Variants in RAPH1 observed in about 807,000 individuals in gnomAD.
The protein encoded by RAPH1 is Ras association (RalGDS/AF-6) and pleckstrin homology domains 1.
RAPH1 carries 18 observed loss-of-function variants against 88.1 expected under a neutral mutation model. That is an observed-to-expected ratio of 0.20 (90% CI 0.14 to 0.30). The LOEUF (loss-of-function observed/expected upper bound fraction) is 0.30. RAPH1 is among the 10% of genes least tolerant of loss of function. RAPH1 has a pLI of 1.00. For missense variants in RAPH1, 1,448 were observed against 1,543.2 expected, an observed-to-expected ratio of 0.94 and a Z score of 1.03; for synonymous variants, 587 against 559.0, an observed-to-expected ratio of 1.05 and a Z score of -0.71.
chr2:203,462,927 G>A (rs140865918), intron 4 of RAPH1, among the ~76,000 whole-genome samples: 7 of 152,072 alleles, frequency 4.6e-5, no homozygotes, highest in East Asian at 1.9e-4. Context: ...TTGGTTGGGC[G>A]TGTTGGCTCA....
intron 4 of RAPH1, among the ~76,000 whole-genome samples, chr2:203,476,628 C>A (rs994457937): frequency 1.3e-5 from 2 of 152,060 alleles, no homozygotes; most frequent in Non-Finnish European, 2.9e-5. Context: ...TCTGAAGCAT[C>A]CAGATTTGCC....
rs951902141 is a variant in RAPH1 at position 203,437,093 on chromosome 2, C to T, written c.*2344G>A. On this transcript the variant is annotated 3_prime_UTR_variant, in exon 14 of 14. Coordinates refer to ENST00000319170, the MANE Select transcript of RAPH1 (RefSeq NM_213589.3). The stretch of plus-strand genomic sequence containing the variant: ...GTGTTCAAAAGGATGTCTGCTATTC[C>T]AGGAAAACAGACCAGAAGCATCTGT... 6.6e-6 allele frequency: 1 copy of T among 152,072 alleles called. No individual in the cohort carries two copies. The highest frequency in any genetic ancestry group is 1.5e-5 in the Non-Finnish European group (1 of 68,030). 9.4% of individuals were successfully genotyped at this position (152,072 alleles called of 1,614,324 possible).
At chr2:203,501,825 A>G in intron 1 of RAPH1, among the ~76,000 whole-genome samples, 1 of 151,348 alleles carries the variant, frequency 6.6e-6, no homozygotes. Context: ...GAAAAAAAAA[A>G]AAAAAAAAGG....
rs1437555591 is a variant in RAPH1, at chr2:203,434,029, ATC to A, written c.*5406_*5407del. On this transcript the variant is annotated 3_prime_UTR_variant, in exon 14 of 14. Transcript: ENST00000319170. ...AAACATCCTCAGTAGTACTGAATAT[ATC>A]TCTCTCATATATCTATCTATCTATC... is the stretch of plus-strand genomic sequence containing the variant. 2.1e-5 allele frequency: 3 copies of A among 140,488 alleles called. No homozygotes were observed. Among genetic ancestry groups the A allele is most frequent in the South Asian group, 2.2e-4 (1 of 4,540 alleles). The allele number at this position is 140,488 out of a possible 1,614,324, so 8.7% of individuals were successfully genotyped here.
At chr2:203,496,554 C>A (rs909953574) in intron 1 of RAPH1, among the ~76,000 whole-genome samples, 4 of 152,036 alleles carry the variant, frequency 2.6e-5, no homozygotes, top group Non-Finnish European at 4.4e-5. Context: ...CCAGCATATT[C>A]CAAAATTAAA....
intron 4 of RAPH1, among the ~76,000 whole-genome samples, chr2:203,463,469 C>A (rs2098525860): frequency 6.6e-6 from 1 of 152,162 alleles, no homozygotes; most frequent in Non-Finnish European, 1.5e-5. Flanking sequence ...ATACTCTAGG[C>A]TGTCTCCCAT....
chr2:203,522,983 T>C (rs1192723482), intron 1 of RAPH1, among the ~76,000 whole-genome samples: 1 of 150,812 alleles, frequency 6.6e-6, no homozygotes, highest in Non-Finnish European at 1.5e-5. Context: ...AGACTCACTA[T>C]CCAGCTAAAT....
intron 13 of RAPH1, chr2:203,442,226 C>T: frequency 1.4e-6 from 1 of 732,302 alleles, no homozygotes. Context: ...CTAGCATTTG[C>T]CAACAACCAA....
intron 2 of RAPH1, among the ~76,000 whole-genome samples, chr2:203,492,988 G>A (rs975291592): frequency 2.6e-5 from 4 of 152,112 alleles, no homozygotes; most frequent in Non-Finnish European, 5.9e-5. Flanking sequence ...CCATACCACT[G>A]AGTACGTGAT....
chr2:203,519,742 C>G (rs1028900460), intron 1 of RAPH1, among the ~76,000 whole-genome samples: 1 of 151,912 alleles, frequency 6.6e-6, no homozygotes, highest in African/African-American at 2.4e-5. Context: ...AATATGTTCC[C>G]CAACAAAAAA....
At chr2:203,441,439 G>A (rs1310957141) in intron 13 of RAPH1, 26 bp from the exon 14 acceptor site, 3 of 1,505,288 alleles carry the variant, frequency 2.0e-6, no homozygotes, top group Non-Finnish European at 2.7e-6. Flanking sequence ...AAAGGGAGTG[G>A]GAGAGAGAAA....
At chr2:203,471,295 C>G (rs2105735099) in intron 4 of RAPH1, among the ~76,000 whole-genome samples, 1 of 152,214 alleles carries the variant, frequency 6.6e-6, no homozygotes, top group South Asian at 2.1e-4. Flanking sequence ...CTTGGAAATT[C>G]TTTGGAAAGA....
chr2:203,489,516 A>T, intron 4 of RAPH1, 68 bp downstream of exon 4: 1 of 1,168,212 alleles, frequency 8.6e-7, no homozygotes, highest in South Asian at 2.6e-5. Flanking sequence ...GTTAATTAAA[A>T]TTATTTTAAT....
intron 1 of RAPH1, among the ~76,000 whole-genome samples, chr2:203,516,260 C>T (rs909246105): frequency 1.3e-5 from 2 of 151,982 alleles, no homozygotes; most frequent in African/African-American, 4.8e-5. Context: ...AAGAGAAATA[C>T]AACTGATACA....
At position 203,459,461 on chromosome 2, in the gene RAPH1, A is replaced by G. The variant is rs113020816; in HGVS notation, c.1092+446T>C. ...ATCAAAGTATGTTTATTAGAATGTAAAGCCATTTGTAATCAAGGTTACTGG... is the reference window on the plus strand; with the variant it reads ...ATCAAAGTATGTTTATTAGAATGTAGAGCCATTTGTAATCAAGGTTACTGG... On this transcript the variant is annotated intron_variant, in intron 7 of 13. Transcript: ENST00000319170. Among the ~76,000 whole-genome samples the G allele has an allele frequency of 7.9e-4, 120 of 152,320 alleles. 1 individual carries two copies. Among genetic ancestry groups the G allele is most frequent in the Middle Eastern group, 3.4e-3 (1 of 294 alleles).
At chr2:203,533,965 CG>C (rs1307996036) in intron 1 of RAPH1, among the ~76,000 whole-genome samples, 1 of 152,132 alleles carries the variant, frequency 6.6e-6, no homozygotes, top group Non-Finnish European at 1.5e-5. Flanking sequence ...CCAGGGCGTA[CG>C]GTTTCCCCCA....
At chr2:203,524,665 T>C (rs1690036094) in intron 1 of RAPH1, among the ~76,000 whole-genome samples, 1 of 152,134 alleles carries the variant, frequency 6.6e-6, no homozygotes, top group African/African-American at 2.4e-5. Context: ...TTATATAAAA[T>C]TCTAGAAAAT....
intron 4 of RAPH1, among the ~76,000 whole-genome samples, chr2:203,468,364 A>G (rs1205782038): frequency 6.6e-6 from 1 of 152,002 alleles, no homozygotes; most frequent in African/African-American, 2.4e-5. Context: ...TCTTTTTTCA[A>G]CCTCTCAAAC....
intron 4 of RAPH1, among the ~76,000 whole-genome samples, chr2:203,467,178 A>C (rs1256145348): frequency 6.6e-6 from 1 of 152,210 alleles, no homozygotes; most frequent in Non-Finnish European, 1.5e-5. Flanking sequence ...CCTGAGTCTG[A>C]GCTACTAGTG....
Sources: gnomAD v4.1 joint callset for allele counts (sites outside exome capture counted in the v4.1 genomes callset) on GRCh38, gnomAD v4.1.1 for gene constraint, MANE v1.5 for transcripts, NCBI Gene and HGNC (gene_info 2026-07-23, HGNC 2026-07-21) for gene names.